GDI2: variants seen among roughly 807,000 people sequenced by gnomAD.
The protein encoded by GDI2 is rab GDP dissociation inhibitor beta.
Under a neutral mutation model 54.2 loss-of-function variants are expected in GDI2, and 22 were observed. That is an observed-to-expected ratio of 0.41 (90% CI 0.29 to 0.58). GDI2 has a LOEUF of 0.58. Ranked by LOEUF, GDI2 falls within the 20% of genes least tolerant of loss-of-function variation. The pLI is 0.35. For missense variants in GDI2, 422 were observed against 546.0 expected (o/e 0.77, Z 2.26); for synonymous variants, 177 against 182.1 (o/e 0.97, Z 0.23).
rs528926287 is a variant in GDI2 at position 5,768,197 on chromosome 10, G to C, written c.991+16C>G. 9 of 1,597,574 alleles carry C rather than the reference G, an allele frequency of 5.6e-6. No individual in the cohort carries two copies. The East Asian group carries it at 2.0e-4, about 36-fold the overall frequency. On this transcript the variant is annotated intron_variant, in intron 8 of 10. Transcript: ENST00000380191. This position sits in a 1 kb window ranked among gnomAD's most constrained non-coding sequence, Gnocchi z 4.4. ...TTACAAAATTCTACCAACATCTGCT[G>C]GTCTTCAAACCTCACCTGACTTTCG...
At chr10:5,773,094 T>TACACCACCTACCAAACTCTGATCTCAA (rs1330220601) in intron 7 of GDI2, among the ~76,000 whole-genome samples, 1 of 152,168 alleles carries the variant, frequency 6.6e-6, no homozygotes, top group African/African-American at 2.4e-5. Context: ...ATTGTCCCCT[T>TACACCACCTACCAAACTCTGATCTCAA]ACACCACCTA....
Position 5,766,706 on chromosome 10 carries a change from CACCCATATGTCA to C in GDI2, c.992-80_992-69del. On this transcript the variant is annotated intron_variant, in intron 8 of 10. Coordinates refer to ENST00000380191, the MANE Select transcript of GDI2 (RefSeq NM_001494.4). This position sits in a 1 kb window ranked among gnomAD's most constrained non-coding sequence, Gnocchi z 5.8. Reference sequence around the variant, plus strand: ...TCTGGGACCCAACATACTCAGGTATCACCCATATGTCATGAGGTGTGAGTTAAAATTACTCTC... The same window carrying C: ...TCTGGGACCCAACATACTCAGGTATCTGAGGTGTGAGTTAAAATTACTCTC... The C allele has an allele frequency of 7.9e-7, 1 of 1,266,292 alleles. No individual in the cohort carries two copies. Among genetic ancestry groups the C allele is most frequent in the Non-Finnish European group, 1.2e-6 (1 of 868,266 alleles). The allele number at this position is 1,266,292 out of a possible 1,614,324, so 78.4% of individuals were successfully genotyped here. A position where few individuals can be genotyped will look rare whatever the true frequency, so the allele number is the denominator to read the frequency against.
chr10:5,794,282 A>C (rs1841098861), intron 4 of GDI2, among the ~76,000 whole-genome samples: 1 of 146,354 alleles, frequency 6.8e-6, no homozygotes, highest in Admixed American at 6.9e-5. Flanking sequence ...ATTACTAACA[A>C]GACCAATTAG....
chr10:5,773,554 A>G (rs566503921), intron 7 of GDI2, among the ~76,000 whole-genome samples: 1 of 152,326 alleles, frequency 6.6e-6, no homozygotes, highest in Admixed American at 6.5e-5. Flanking sequence ...TTCAATTTCA[A>G]TGAAAATTTG....
rs1352586943 is a variant in GDI2 at position 5,766,820 on chromosome 10, G to A, written c.992-182C>T. On this transcript the variant is annotated intron_variant, in intron 8 of 10. Transcript: ENST00000380191. The surrounding 1 kb of genome is among the most constrained non-coding windows in gnomAD (Gnocchi z 5.8). ...TAAAGTACACAGATATTTAACAATAGGAATTTCTTTTAACCTACTAGAGAT... is the reference window on the plus strand; with the variant it reads ...TAAAGTACACAGATATTTAACAATAAGAATTTCTTTTAACCTACTAGAGAT... 6.6e-6 allele frequency among the ~76,000 whole-genome samples: 1 copy of A among 152,186 alleles called. No individual in the cohort carries two copies. Among genetic ancestry groups the A allele is most frequent in the Non-Finnish European group, 1.5e-5 (1 of 68,028 alleles).
chr10:5,777,615 C>T (rs1173766564), intron 6 of GDI2, among the ~76,000 whole-genome samples: 7 of 152,114 alleles, frequency 4.6e-5, no homozygotes, highest in Non-Finnish European at 2.9e-5. Flanking sequence ...GAATGGTGAT[C>T]GTTAAAAAGC....
chr10:5,801,526 A>AC (rs1416288084), intron 1 of GDI2, among the ~76,000 whole-genome samples: 2 of 151,994 alleles, frequency 1.3e-5, no homozygotes, highest in Non-Finnish European at 2.9e-5. Flanking sequence ...AAAATACAAA[A>AC]TTAGCCGGGC....
In GDI2 at chr10:5,766,918, A is replaced by C. The variant is rs183740202; in HGVS notation, c.992-280T>G. ...TTAACAGCTCTGTCATACCTAACTAAAAAACCTGCCAAACCATATTAACTA... is the reference window on the plus strand; with the variant it reads ...TTAACAGCTCTGTCATACCTAACTACAAAACCTGCCAAACCATATTAACTA... On this transcript the variant is annotated intron_variant, in intron 8 of 10. Coordinates refer to ENST00000380191, the MANE Select transcript of GDI2 (RefSeq NM_001494.4). The surrounding 1 kb of genome is among the most constrained non-coding windows in gnomAD (Gnocchi z 5.8). Among the ~76,000 whole-genome samples the C allele has an allele frequency of 5.1e-4, 78 of 152,338 alleles. No individual in the cohort carries two copies. The East Asian group carries it at 0.014, about 28-fold the overall frequency.
chr10:5,782,625 C>A (rs1482480713), intron 6 of GDI2, among the ~76,000 whole-genome samples: 2 of 152,042 alleles, frequency 1.3e-5, no homozygotes, highest in African/African-American at 2.4e-5. Flanking sequence ...CAAAGGAATT[C>A]TACTCAACAA....
At chr10:5,803,845 A>G (rs1207499381) in intron 1 of GDI2, among the ~76,000 whole-genome samples, 3 of 152,320 alleles carry the variant, frequency 2.0e-5, no homozygotes, top group South Asian at 2.1e-4. Flanking sequence ...TTTATTTCTT[A>G]AAGAGACAAA....
Position 5,813,404 on chromosome 10 carries a change from G to A in GDI2, c.-146C>T, listed in dbSNP as rs919179313. ...ATGGAGCTGGCGACAAGGCGAGACC[G>A]ACCGCCACCTCAGACGGGAAGAGAA... On this transcript the variant is annotated 5_prime_UTR_variant, in exon 1 of 11. Transcript: ENST00000380191. 11 of 427,828 alleles carry A rather than the reference G, an allele frequency of 2.6e-5. No individual in the cohort carries two copies. The highest frequency in any genetic ancestry group is 6.4e-5 in the African/African-American group (3 of 46,728). 26.5% of individuals were successfully genotyped at this position (427,828 alleles called of 1,614,324 possible).
intron 2 of GDI2, among the ~76,000 whole-genome samples, chr10:5,798,922 C>T (rs151015129): frequency 5.0e-4 from 76 of 151,500 alleles, no homozygotes; most frequent in African/African-American, 1.8e-3. Flanking sequence ...TGCAGTGAGC[C>T]GAGACTGCAC....
chr10:5,788,718 T>C (rs1840933744), intron 4 of GDI2, among the ~76,000 whole-genome samples: 3 of 152,094 alleles, frequency 2.0e-5, no homozygotes, highest in Admixed American at 6.5e-5. Flanking sequence ...TTGATGTAGA[T>C]TTTTTCTTGT....
intron 1 of GDI2, among the ~76,000 whole-genome samples, chr10:5,804,593 T>G (rs1208758948): frequency 6.6e-6 from 1 of 152,148 alleles, no homozygotes; most frequent in Admixed American, 6.5e-5. Context: ...ATGCAACACG[T>G]TTTAAGATTC....
intron 7 of GDI2, among the ~76,000 whole-genome samples, chr10:5,772,674 T>C (rs934211258): frequency 1.6e-4 from 25 of 152,080 alleles, no homozygotes; most frequent in Non-Finnish European, 4.4e-5. Context: ...GGAGAATCAC[T>C]TGAACCTGGA....
At position 5,765,850 on chromosome 10, in the gene GDI2, A is replaced by G. The variant is rs145662995; in HGVS notation, c.*156T>C. ...AATAGCCACTCCATGAAAACAAGTT[A>G]ATAATTAGAAAGGTGAAGGGGAGTA... On this transcript the variant is annotated 3_prime_UTR_variant, in exon 11 of 11. Coordinates refer to ENST00000380191, the MANE Select transcript of GDI2 (RefSeq NM_001494.4). 929 of 560,984 alleles carry G rather than the reference A, an allele frequency of 1.7e-3. 16 individuals carry two copies. The East Asian group carries it at 0.022, about 14-fold the overall frequency. 34.8% of individuals were successfully genotyped at this position (560,984 alleles called of 1,614,324 possible).
rs563396338 is a variant in GDI2, at chr10:5,809,519, G to A, written c.45+3695C>T. On this transcript the variant is annotated intron_variant, in intron 1 of 10. Transcript: ENST00000380191. ...CCTTGCCAATATTTTTTTAAAGCCA[G>A]CTAAATATCTCCTTCTTTACGAAGG... is the stretch of plus-strand genomic sequence containing the variant. 1.5e-3 allele frequency among the ~76,000 whole-genome samples: 226 copies of A among 152,266 alleles called. 1 individual carries two copies. Among genetic ancestry groups the A allele is most frequent in the African/African-American group, 5.2e-3 (217 of 41,558 alleles).
chr10:5,794,545 T>G (rs77769116), intron 4 of GDI2, among the ~76,000 whole-genome samples: 291 of 152,196 alleles, frequency 1.9e-3, no homozygotes, highest in Admixed American at 5.4e-3. Context: ...TATGGAGTGT[T>G]CAGTACAGAG....
In GDI2 at chr10:5,786,063, G is replaced by T. The variant is rs373377197; in HGVS notation, c.389-13C>A. 19 of 1,582,766 alleles carry T rather than the reference G, an allele frequency of 1.2e-5. No homozygotes were observed. Among genetic ancestry groups the T allele is most frequent in the African/African-American group, 2.7e-5 (2 of 73,596 alleles). ...AATCCCATTAGGCCTAAATAAAAAAGAATTTTTCAAAAAGCACACTCACAA... is the reference window on the plus strand; with the variant it reads ...AATCCCATTAGGCCTAAATAAAAAATAATTTTTCAAAAAGCACACTCACAA... On this transcript the variant is annotated splice_polypyrimidine_tract_variant and intron_variant, in intron 4 of 10. Transcript: ENST00000380191.
Sources: gnomAD v4.1 joint callset for allele counts (sites outside exome capture counted in the v4.1 genomes callset) on GRCh38, gnomAD v4.1.1 for gene constraint, Gnocchi (gnomAD v3.1) non-coding constraint, MANE v1.5 for transcripts, NCBI Gene and HGNC (gene_info 2026-07-23, HGNC 2026-07-21) for gene names.